KIAA1958: variants seen among roughly 807,000 people sequenced by gnomAD.
The protein encoded by KIAA1958 is KIAA1958.
A neutral mutation model predicts 47.2 loss-of-function variants in KIAA1958; 14 were observed. The ratio of observed to expected loss-of-function variants is 0.30; its 90% CI spans 0.20 to 0.46. The LOEUF is 0.46. Ranked by LOEUF, KIAA1958 falls within the 20% of genes least tolerant of loss-of-function variation. The probability of loss-of-function intolerance (pLI) is 1.00; values close to 1 mark genes in which losing one functional copy is unlikely to be tolerated. For synonymous variants in KIAA1958, 354 were observed against 353.3 expected (o/e 1.00, Z -0.02); for missense variants, 803 against 909.2 (o/e 0.88, Z 1.50).
intron 2 of KIAA1958, among the ~76,000 whole-genome samples, chr9:112,591,393 T>C (rs778688905): frequency 3.9e-5 from 6 of 152,090 alleles, no homozygotes; most frequent in Non-Finnish European, 8.8e-5. Context: ...TGGTTTAGCT[T>C]TTATGGCTAT....
intron 1 of KIAA1958, among the ~76,000 whole-genome samples, chr9:112,500,425 T>G (rs918098562): frequency 6.6e-6 from 1 of 152,074 alleles, no homozygotes; most frequent in African/African-American, 2.4e-5. Flanking sequence ...GTGTCAAAAT[T>G]TATCCTATTG....
intron 1 of KIAA1958, among the ~76,000 whole-genome samples, chr9:112,504,342 C>A (rs1372888197): frequency 6.6e-6 from 1 of 152,080 alleles, no homozygotes; most frequent in South Asian, 2.1e-4. Flanking sequence ...GCGTGCCACA[C>A]TACCCCCAGC....
At chr9:112,540,368 A>G (rs1834920611) in intron 1 of KIAA1958, among the ~76,000 whole-genome samples, 1 of 152,246 alleles carries the variant, frequency 6.6e-6, no homozygotes, top group African/African-American at 2.4e-5. Context: ...ATAATTACAT[A>G]TATACACATA....
chr9:112,603,599 A>G (rs571611113), intron 2 of KIAA1958, among the ~76,000 whole-genome samples: 35 of 152,268 alleles, frequency 2.3e-4, no homozygotes, highest in South Asian at 2.1e-4. Flanking sequence ...CTGAATTCCT[A>G]TAGGGCCTAG....
intron 1 of KIAA1958, among the ~76,000 whole-genome samples, chr9:112,549,296 C>G (rs4978496): frequency 6.6e-6 from 1 of 152,224 alleles, no homozygotes; most frequent in Non-Finnish European, 1.5e-5. Context: ...TTCTCTTTCT[C>G]AATAAAGTTC....
intron 2 of KIAA1958, chr9:112,617,729 A>T (rs1836431091): frequency 3.0e-6 from 2 of 674,078 alleles, no homozygotes; most frequent in African/African-American, 3.6e-5. Flanking sequence ...CAGGTATGTA[A>T]ATAACATTTA....
intron 1 of KIAA1958, among the ~76,000 whole-genome samples, chr9:112,563,200 G>A (rs1259251854): frequency 6.6e-6 from 1 of 151,764 alleles, no homozygotes; most frequent in Non-Finnish European, 1.5e-5. Flanking sequence ...AAAGTATTGG[G>A]ATTATAGGTG....
intron 2 of KIAA1958, among the ~76,000 whole-genome samples, chr9:112,625,032 C>CTCT (rs1346659622): frequency 8.3e-4 from 10 of 12,094 alleles, no homozygotes; most frequent in African/African-American, 7.8e-3. Flanking sequence ...CTACCCCCTC[C>CTCT]CCTCCTTTGA....
chr9:112,543,668 G>T (rs1191282997), intron 1 of KIAA1958, among the ~76,000 whole-genome samples: 1 of 149,620 alleles, frequency 6.7e-6, no homozygotes, highest in African/African-American at 2.5e-5. Flanking sequence ...CACCTCCCAG[G>T]TTCAAGTGAT....
chr9:112,525,779 C>T (rs1043389966), intron 1 of KIAA1958, among the ~76,000 whole-genome samples: 5 of 151,282 alleles, frequency 3.3e-5, no homozygotes, highest in Admixed American at 6.6e-5. Flanking sequence ...ATACTTATTA[C>T]ATTGCATAAC....
At chr9:112,501,126 A>G (rs1443319901) in intron 1 of KIAA1958, among the ~76,000 whole-genome samples, 1 of 152,004 alleles carries the variant, frequency 6.6e-6, no homozygotes, top group East Asian at 1.9e-4. Flanking sequence ...CCTTGTCTCC[A>G]AAACAAACAA....
intron 1 of KIAA1958, among the ~76,000 whole-genome samples, chr9:112,531,989 A>G (rs747947529): frequency 1.3e-5 from 2 of 152,202 alleles, no homozygotes; most frequent in East Asian, 1.9e-4. Flanking sequence ...TCAGACCTCA[A>G]TTTGAGGGAC....
At chr9:112,593,833 G>C (rs562675932) in intron 2 of KIAA1958, among the ~76,000 whole-genome samples, 4 of 139,054 alleles carry the variant, frequency 2.9e-5, no homozygotes, top group Non-Finnish European at 6.2e-5. Flanking sequence ...AGGGAGACTT[G>C]TCTGTTTTTT....
intron 1 of KIAA1958, among the ~76,000 whole-genome samples, chr9:112,522,193 A>G (rs2132797226): frequency 6.6e-6 from 1 of 151,922 alleles, no homozygotes; most frequent in Admixed American, 6.6e-5. Flanking sequence ...CTGGTCTCGA[A>G]CTCCCGACCT....
At chr9:112,657,942 C>A (rs1211837280) in intron 3 of KIAA1958, among the ~76,000 whole-genome samples, 1 of 151,956 alleles carries the variant, frequency 6.6e-6, no homozygotes, top group Non-Finnish European at 1.5e-5. Context: ...CTGTGACCTC[C>A]ACCTTCCCGA....
intron 2 of KIAA1958, among the ~76,000 whole-genome samples, chr9:112,606,718 C>T (rs1836242643): frequency 6.6e-6 from 1 of 152,182 alleles, no homozygotes; most frequent in Non-Finnish European, 1.5e-5. Context: ...AGTTTGTCCA[C>T]TGAGTTACTG....
chr9:112,628,462 A>G (rs143647177), intron 2 of KIAA1958, among the ~76,000 whole-genome samples: 210 of 152,354 alleles, frequency 1.4e-3, no homozygotes, highest in African/African-American at 4.8e-3. Context: ...TGATAAAGCA[A>G]TAAAAATAAA....
chr9:112,524,670 G>T (rs1388116608), intron 1 of KIAA1958, among the ~76,000 whole-genome samples: 2 of 152,162 alleles, frequency 1.3e-5, no homozygotes, highest in Non-Finnish European at 2.9e-5. Context: ...GCACCTTCCA[G>T]TGTAATAGCC....
In KIAA1958 at chr9:112,562,825, AT is replaced by A. The variant is rs765507098; in HGVS notation, c.-24-11218del. Reference sequence around the variant, plus strand: ...TAGGGGAAGTAGAAGTTATGTCAGGATTTTTTTTTTTTTTCCTTTTTGTGGA... The same window carrying A: ...TAGGGGAAGTAGAAGTTATGTCAGGATTTTTTTTTTTTTCCTTTTTGTGGA... On this transcript the variant is annotated intron_variant, in intron 1 of 3. Coordinates refer to ENST00000337530, the MANE Select transcript of KIAA1958 (RefSeq NM_133465.4). Among the ~76,000 whole-genome samples, 605 of 138,684 alleles carry A rather than the reference AT, an allele frequency of 4.4e-3. 3 individuals are homozygous for A. Among genetic ancestry groups the A allele is most frequent in the African/African-American group, 7.8e-3 (299 of 38,170 alleles). 91.0% of individuals were successfully genotyped at this position (138,684 alleles called of 152,430 possible). A position where few individuals can be genotyped will look rare whatever the true frequency, so the allele number is the denominator to read the frequency against.
Sources: gnomAD v4.1 joint callset for allele counts (sites outside exome capture counted in the v4.1 genomes callset) on GRCh38, gnomAD v4.1.1 for gene constraint, MANE v1.5 for transcripts, NCBI Gene and HGNC (gene_info 2026-07-23, HGNC 2026-07-21) for gene names.